CERKL: variants seen among roughly 807,000 people sequenced by gnomAD.
CERKL encodes ceramide kinase-like protein.
A neutral mutation model predicts 63.4 loss-of-function variants in CERKL; 61 were observed. The ratio of observed to expected loss-of-function variants is 0.96; its 90% confidence interval spans 0.78 to 1.19. CERKL has a LOEUF of 1.19. Ranked by LOEUF, CERKL falls within the 50% of genes most tolerant of loss-of-function variation. CERKL has a pLI of 0.00. For synonymous variants in CERKL, 250 were observed against 230.5 expected (o/e 1.08, Z -0.77); for missense variants, 675 against 655.5 (o/e 1.03, Z -0.33).
Position 181,539,144 on chromosome 2 carries a change from G to C in CERKL, c.1486C>G (p.Pro496Ala), listed in dbSNP as rs1356869717. Residue 496 changes from proline to alanine, a missense_variant, in exon 12 of 13, where the codon CCT becomes GCT. Pro to Ala is a conservative substitution (Grantham distance 27). Coordinates refer to ENST00000410087, the MANE Select transcript of CERKL (RefSeq NM_201548.5). ...ATTAAGTCACCATCTACATTCCAAG[G>C]GAAACAATTTTCTGAAGCAGTTTCA... ...EDETASENCF[P>A]WNVDGDLMEV... The C allele has an allele frequency of 6.2e-7, 1 of 1,609,140 alleles. No homozygotes were observed. The highest frequency in any genetic ancestry group is 8.5e-7 in the Non-Finnish European group (1 of 1,175,918).
At chr2:181,600,975 T>TA (rs888249326) in intron 2 of CERKL, among the ~76,000 whole-genome samples, 4 of 151,566 alleles carry the variant, frequency 2.6e-5, no homozygotes, top group Admixed American at 6.6e-5. Context: ...CTCAATAAGA[T>TA]AAAAAAAATC....
At chr2:181,585,765 C>T (rs913948253) in intron 2 of CERKL, among the ~76,000 whole-genome samples, 6 of 151,996 alleles carry the variant, frequency 3.9e-5, no homozygotes, top group African/African-American at 1.2e-4. Flanking sequence ...AAATAAACAC[C>T]GACCCTTTTG....
intron 2 of CERKL, among the ~76,000 whole-genome samples, chr2:181,580,384 T>G (rs1392620978): frequency 6.7e-6 from 1 of 150,000 alleles, no homozygotes; most frequent in African/African-American, 2.5e-5. Context: ...AGCCCTTTCC[T>G]TAACTGCTTA....
At chr2:181,563,683 T>C (rs539890975) in intron 4 of CERKL, among the ~76,000 whole-genome samples, 4 of 152,036 alleles carry the variant, frequency 2.6e-5, no homozygotes, top group African/African-American at 7.2e-5. Context: ...GGTTCAGGAA[T>C]AGAAAACTCA....
At chr2:181,621,077 A>G (rs1686427109) in intron 1 of CERKL, among the ~76,000 whole-genome samples, 2 of 152,216 alleles carry the variant, frequency 1.3e-5, no homozygotes, top group Admixed American at 6.5e-5. Context: ...CATTTCCACA[A>G]TTAAAAGAAT....
intron 5 of CERKL, among the ~76,000 whole-genome samples, chr2:181,554,625 C>T (rs1261632647): frequency 1.3e-5 from 2 of 152,136 alleles, no homozygotes; most frequent in Non-Finnish European, 1.5e-5. Flanking sequence ...TAGCAACAAA[C>T]ACCATTCCTA....
chr2:181,598,758 T>A (rs777530592), intron 2 of CERKL, among the ~76,000 whole-genome samples: 2 of 151,988 alleles, frequency 1.3e-5, no homozygotes, highest in Non-Finnish European at 2.9e-5. Flanking sequence ...TAAGCAGCAT[T>A]TAAGAAAGCT....
chr2:181,562,432 G>C (rs1688488683), intron 4 of CERKL, among the ~76,000 whole-genome samples: 1 of 152,100 alleles, frequency 6.6e-6, no homozygotes, highest in East Asian at 1.9e-4. Flanking sequence ...ACTCATATTT[G>C]GCTCAAAATA....
At chr2:181,646,393 C>T (rs1397295080) in intron 1 of CERKL, among the ~76,000 whole-genome samples, 3 of 152,204 alleles carry the variant, frequency 2.0e-5, no homozygotes, top group Non-Finnish European at 1.5e-5. Context: ...CTTACACAAA[C>T]CTAAATAGCA....
intron 2 of CERKL, among the ~76,000 whole-genome samples, chr2:181,587,222 C>T (rs780401245): frequency 6.6e-6 from 1 of 152,036 alleles, no homozygotes; most frequent in Non-Finnish European, 1.5e-5. Flanking sequence ...ATTTTAATGC[C>T]GTAAGTCAAA....
chr2:181,648,807 T>C (rs1157688407), intron 1 of CERKL, among the ~76,000 whole-genome samples: 2 of 152,204 alleles, frequency 1.3e-5, no homozygotes, highest in Non-Finnish European at 2.9e-5. Flanking sequence ...GAAAAAAGTC[T>C]AGAGTATTTT....
At chr2:181,608,358 A>G (rs749943559) in intron 1 of CERKL, among the ~76,000 whole-genome samples, 4 of 146,802 alleles carry the variant, frequency 2.7e-5, no homozygotes, top group Non-Finnish European at 6.0e-5. Context: ...TCACATATAA[A>G]TTGAGAGTCT....
intron 2 of CERKL, among the ~76,000 whole-genome samples, chr2:181,576,989 A>G (rs1171885576): frequency 4.6e-5 from 7 of 152,208 alleles, no homozygotes; most frequent in African/African-American, 1.7e-4. Flanking sequence ...CATATTCATC[A>G]GAATTACCTG....
rs183240377 is a variant in CERKL, at chr2:181,545,780, G to C, written c.1269-984C>G. Among the ~76,000 whole-genome samples, 4 of 152,252 alleles carry C rather than the reference G, an allele frequency of 2.6e-5. No individual in the cohort carries two copies. The East Asian group carries it at 7.7e-4, about 29-fold the overall frequency. The stretch of plus-strand genomic sequence containing the variant: ...CCAAAACGTTCATGGTAGTGTTACT[G>C]TGCATCTTTAATTGCATAATTTATA... On this transcript the variant is annotated intron_variant, in intron 10 of 12. Transcript: ENST00000410087.
chr2:181,641,827 G>GTAGC (rs1687454935), intron 1 of CERKL, among the ~76,000 whole-genome samples: 1 of 152,138 alleles, frequency 6.6e-6, no homozygotes, highest in East Asian at 1.9e-4. Flanking sequence ...ATAGCCACAT[G>GTAGC]TAGCTGGTGG....
intron 3 of CERKL, among the ~76,000 whole-genome samples, chr2:181,570,637 T>G (rs56664432): frequency 0.07 from 10,608 of 152,214 alleles, 493 homozygotes; most frequent in Admixed American, 0.13. Context: ...GGGATGCAAC[T>G]TTAGCACAAA....
chr2:181,607,839 C>T (rs16867457), intron 1 of CERKL, among the ~76,000 whole-genome samples: 1 of 152,022 alleles, frequency 6.6e-6, no homozygotes, highest in South Asian at 2.1e-4. Context: ...GTCTTCCACA[C>T]GGGGGTGTTA....
In CERKL at chr2:181,566,060, A is replaced by T; in HGVS notation, c.675T>A (p.Asp225Glu). The T allele has an allele frequency of 1.9e-6, 3 of 1,599,170 alleles. No homozygotes were observed. The highest frequency in any genetic ancestry group is 2.6e-6 in the Non-Finnish European group (3 of 1,166,888). Residue 225 changes from aspartate (D) to glutamate (E), a missense_variant and splice_region_variant, in exon 4 of 13, where the codon GAT (aspartate) becomes GAA (glutamate). By Grantham distance (45) the Asp-to-Glu change is conservative (BLOSUM62 2). Transcript: ENST00000410087. ...LLKECELQGF[D>E]GVVCVGGDGS... ...TATTGATTAATAATATAACCTACCCATCAAATCCCTGGAGTTCACATTCCT... is the reference window on the plus strand; with the variant it reads ...TATTGATTAATAATATAACCTACCCTTCAAATCCCTGGAGTTCACATTCCT...
At chr2:181,545,955 G>A (rs1212518102) in intron 10 of CERKL, among the ~76,000 whole-genome samples, 2 of 151,986 alleles carry the variant, frequency 1.3e-5, no homozygotes, top group Non-Finnish European at 2.9e-5. Flanking sequence ...AGTTCCTACT[G>A]GCAATTTGCA....
Sources: allele counts gnomAD v4.1 joint callset (sites outside exome capture counted in the v4.1 genomes callset), GRCh38; gene constraint gnomAD v4.1.1; transcripts MANE v1.5; gene names NCBI Gene and HGNC (gene_info 2026-07-23, HGNC 2026-07-21).